PCDHA13: variants seen among roughly 807,000 people sequenced by gnomAD.
The protein encoded by PCDHA13 is protocadherin alpha 13, also known as protocadherin alpha-13.
In PCDHA13, 54 loss-of-function variants were observed where a neutral mutation model predicts 64.8. The ratio of observed to expected loss-of-function variants is 0.83; its 90% CI spans 0.67 to 1.04. The LOEUF is 1.04. Among genes scored for constraint, PCDHA13 ranks in the 50% least tolerant of loss-of-function variants. The pLI, the probability that PCDHA13 is intolerant of heterozygous loss-of-function variation, is 0.00. For missense variants in PCDHA13, 1,248 were observed against 1,254.3 expected, an observed-to-expected ratio of 0.99 and a Z score of 0.08; for synonymous variants, 587 against 564.4, an observed-to-expected ratio of 1.04 and a Z score of -0.57.
intron 3 of PCDHA13, among the ~76,000 whole-genome samples, chr5:141,000,194 G>A (rs2097896080): frequency 6.6e-6 from 1 of 151,746 alleles, no homozygotes; most frequent in South Asian, 2.1e-4. Context: ...TGTGAGAATA[G>A]TTTTTCACCT....
chr5:140,992,847 A>G (rs183404145), intron 3 of PCDHA13, among the ~76,000 whole-genome samples: 1 of 152,264 alleles, frequency 6.6e-6, no homozygotes, highest in East Asian at 1.9e-4. Flanking sequence ...TTGTATAACA[A>G]CCAGTTTCAC....
intron 1 of PCDHA13, among the ~76,000 whole-genome samples, chr5:140,890,615 C>A (rs1266338521): frequency 6.6e-6 from 1 of 152,026 alleles, no homozygotes; most frequent in Non-Finnish European, 1.5e-5. Context: ...AGTGCTTACC[C>A]TAGAAAATTA....
At position 140,882,972 on chromosome 5, in the gene PCDHA13, T is replaced by C; in HGVS notation, c.704T>C (p.Val235Ala). ...TVQLLITILD[V>A]NDNAPEFYQS... ...CAGCTGCTCATCACGATTCTGGACG[T>C]GAATGACAACGCCCCGGAATTTTAC... Residue 235 changes from valine to alanine, a missense_variant, in exon 1 of 4, where the codon GTG (valine) becomes GCG (alanine). Physicochemically the swap from Val to Ala is moderately conservative, Grantham distance 64. Transcript: ENST00000289272. The C allele has an allele frequency of 6.2e-7, 1 of 1,614,190 alleles. No homozygotes were observed. The highest frequency in any genetic ancestry group is 8.5e-7 in the Non-Finnish European group (1 of 1,180,032).
At chr5:140,923,221 TTTGAGCCCAGAA>T (rs1584298069) in intron 1 of PCDHA13, among the ~76,000 whole-genome samples, 1 of 71,862 alleles carries the variant, frequency 1.4e-5, no homozygotes, top group Non-Finnish European at 3.3e-5. Flanking sequence ...GAAAGGATCG[TTTGAGCCCAGAA>T]GTTTGAGACC....
intron 1 of PCDHA13, chr5:140,927,200 A>C (rs2083965383): frequency 6.2e-7 from 1 of 1,613,898 alleles, no homozygotes; most frequent in Non-Finnish European, 8.5e-7. Context: ...GTGCTCGAGG[A>C]CCCGCTGGAG....
chr5:140,965,121 T>G (rs1454584682), intron 1 of PCDHA13, among the ~76,000 whole-genome samples: 6 of 152,178 alleles, frequency 3.9e-5, no homozygotes, highest in African/African-American at 1.4e-4. Flanking sequence ...TAGAGGAAGA[T>G]CTACAGATGA....
intron 1 of PCDHA13, among the ~76,000 whole-genome samples, chr5:140,949,115 T>G (rs2094346093): frequency 6.6e-6 from 1 of 151,756 alleles, no homozygotes; most frequent in African/African-American, 2.4e-5. Context: ...TACAAATATT[T>G]TTGGTTTTCC....
chr5:140,898,456 C>G (rs1333861280), intron 1 of PCDHA13, among the ~76,000 whole-genome samples: 2 of 152,134 alleles, frequency 1.3e-5, no homozygotes, highest in African/African-American at 2.4e-5. Flanking sequence ...AATCCTTTCC[C>G]CATTGCTTGT....
chr5:141,004,750 C>T (rs1205050665), intron 3 of PCDHA13, among the ~76,000 whole-genome samples: 1 of 152,112 alleles, frequency 6.6e-6, no homozygotes, highest in Non-Finnish European at 1.5e-5. Flanking sequence ...GTCTCAGTCT[C>T]TTAGAGACAG....
In PCDHA13 at chr5:140,987,930, G is replaced by T. The variant is rs554856826; in HGVS notation, c.2542+5367G>T. Among the ~76,000 whole-genome samples, 18 of 152,196 alleles carry T rather than the reference G, an allele frequency of 1.2e-4. No individual in the cohort carries two copies. The South Asian group carries it at 2.1e-3, about 18-fold the overall frequency. Reference sequence around the variant, plus strand: ...GATTTATATTCTTAATTGTCTCAAGGATTCTTACCTGTCTGACAAAACCAA... The same window carrying T: ...GATTTATATTCTTAATTGTCTCAAGTATTCTTACCTGTCTGACAAAACCAA... On this transcript the variant is annotated intron_variant, in intron 3 of 3. Transcript: ENST00000289272.
At chr5:140,914,606 C>A (rs1212372337) in intron 1 of PCDHA13, among the ~76,000 whole-genome samples, 2 of 152,072 alleles carry the variant, frequency 1.3e-5, no homozygotes, top group Admixed American at 6.5e-5. Context: ...CTTCCTCCTG[C>A]CATTTTGTAA....
chr5:140,937,776 G>A (rs1350103217), intron 1 of PCDHA13, among the ~76,000 whole-genome samples: 1 of 151,292 alleles, frequency 6.6e-6, no homozygotes, highest in Non-Finnish European at 1.5e-5. Context: ...GTCGGGCGTG[G>A]TGGCGGGCGT....
chr5:140,928,146 A>G, intron 1 of PCDHA13: 1 of 1,614,222 alleles, frequency 6.2e-7, no homozygotes, highest in African/African-American at 1.3e-5. Flanking sequence ...TCACGGCCTC[A>G]GATAGTGGCT....
intron 1 of PCDHA13, among the ~76,000 whole-genome samples, chr5:140,958,419 A>G (rs1275772647): frequency 6.6e-6 from 1 of 152,196 alleles, no homozygotes; most frequent in Non-Finnish European, 1.5e-5. Flanking sequence ...GCTTGGAAAG[A>G]AGCACTTTTT....
At chr5:140,998,247 T>C (rs2097802911) in intron 3 of PCDHA13, among the ~76,000 whole-genome samples, 1 of 152,216 alleles carries the variant, frequency 6.6e-6, no homozygotes, top group Non-Finnish European at 1.5e-5. Flanking sequence ...ATTATACTCA[T>C]TTTACTGCTA....
chr5:140,941,255 C>CTTTCTTTTTCTT (rs782490896), intron 1 of PCDHA13, among the ~76,000 whole-genome samples: 1 of 44,508 alleles, frequency 2.2e-5, no homozygotes, highest in Non-Finnish European at 5.1e-5. Context: ...TTCTTTCTTT[C>CTTTCTTTTTCTT]TCTTTCTTTC....
intron 1 of PCDHA13, among the ~76,000 whole-genome samples, chr5:140,918,454 C>A (rs1168986520): frequency 6.6e-6 from 1 of 152,158 alleles, no homozygotes; most frequent in Non-Finnish European, 1.5e-5. Context: ...CAGTGGGCAT[C>A]CTTGTCTTAT....
chr5:140,985,801 A>G (rs2097171670), intron 3 of PCDHA13, among the ~76,000 whole-genome samples: 1 of 135,588 alleles, frequency 7.4e-6, no homozygotes, highest in Admixed American at 8.6e-5. Flanking sequence ...GTGCAGTGGC[A>G]CGATCTCAGC....
At chr5:141,005,562 C>T (rs928721111) in intron 3 of PCDHA13, among the ~76,000 whole-genome samples, 2 of 151,226 alleles carry the variant, frequency 1.3e-5, no homozygotes, top group Admixed American at 6.6e-5. Flanking sequence ...ATTAGCCGGG[C>T]ATGGTGGCGC....
Sources: allele counts gnomAD v4.1 joint callset (sites outside exome capture counted in the v4.1 genomes callset), GRCh38; gene constraint gnomAD v4.1.1; transcripts MANE v1.5; gene names NCBI Gene and HGNC (gene_info 2026-07-23, HGNC 2026-07-21).